PSMB3: variants seen among roughly 807,000 people sequenced by gnomAD.
PSMB3 encodes proteasome 20S subunit beta 3.
In PSMB3, 5 loss-of-function variants were observed where a neutral mutation model predicts 23.3. The observed-to-expected ratio is 0.21, with a 90% CI of 0.11 to 0.45. PSMB3 has a LOEUF of 0.45. PSMB3 is among the 20% of genes least tolerant of loss of function. PSMB3 has a pLI of 0.99. For missense variants in PSMB3, 192 were observed against 277.9 expected (o/e 0.69, Z 2.20); for synonymous variants, 85 against 99.8 (o/e 0.85, Z 0.88).
At chr17:38,758,147 G>T (rs1227216938) in intron 3 of PSMB3, among the ~76,000 whole-genome samples, 1 of 152,016 alleles carries the variant, frequency 6.6e-6, no homozygotes, top group Non-Finnish European at 1.5e-5. Flanking sequence ...ATTTTAAAAA[G>T]GGTCTGGACA....
chr17:38,755,857 A>C, intron 2 of PSMB3, 26 bp from the exon 3 acceptor site: 1 of 1,314,922 alleles, frequency 7.6e-7, no homozygotes, highest in Non-Finnish European at 1.0e-6. Flanking sequence ...ATAATGACTT[A>C]CTAACTCACT....
At chr17:38,755,664 ATAT>A (rs1908146538) in intron 2 of PSMB3, among the ~76,000 whole-genome samples, 1 of 78,228 alleles carries the variant, frequency 1.3e-5, no homozygotes, top group Non-Finnish European at 2.4e-5. Flanking sequence ...AAAAAAATAT[ATAT>A]ATATATATAT....
chr17:38,763,758 T>TA (rs1257904851), intron 5 of PSMB3, among the ~76,000 whole-genome samples: 1 of 152,102 alleles, frequency 6.6e-6, no homozygotes, highest in Non-Finnish European at 1.5e-5. Context: ...GCCTCAGGCC[T>TA]CCCAAAGTGC....
intron 5 of PSMB3, among the ~76,000 whole-genome samples, chr17:38,763,057 T>C (rs1166225856): frequency 6.6e-6 from 1 of 152,180 alleles, no homozygotes; most frequent in Non-Finnish European, 1.5e-5. Context: ...CCTGCTTAAT[T>C]ACCGTGAAAT....
intron 2 of PSMB3, 76 bp downstream of exon 2, chr17:38,753,410 G>A: frequency 2.7e-6 from 4 of 1,475,850 alleles, no homozygotes; most frequent in Non-Finnish European, 3.7e-6. Flanking sequence ...ACCGGCCAAG[G>A]TGTCAGTCAT....
At chr17:38,755,682 ATGTGTGTGTGTGTG>A (rs67600372) in intron 2 of PSMB3, among the ~76,000 whole-genome samples, 187 bp from the exon 3 acceptor site, 12 of 90,280 alleles carry the variant, frequency 1.3e-4, no homozygotes, top group African/African-American at 8.4e-5. Context: ...ATATATATAT[ATGTGTGTGTGTGTG>A]TGTGTGTGTG....
intron 3 of PSMB3, among the ~76,000 whole-genome samples, chr17:38,759,447 T>TC (rs771072745): frequency 2.0e-5 from 3 of 152,144 alleles, no homozygotes; most frequent in Non-Finnish European, 4.4e-5. Flanking sequence ...TTTTGCACCA[T>TC]CATAAAGTTG....
At position 38,760,303 on chromosome 17, in the gene PSMB3, T is replaced by C. The variant is rs1165574868; in HGVS notation, c.297-128T>C. ...GGGAGCTGGCCTCAGGGAAAGGTGATCTTCCTAAACAGGTCCTCCATTTCC... is the reference window on the plus strand; with the variant it reads ...GGGAGCTGGCCTCAGGGAAAGGTGACCTTCCTAAACAGGTCCTCCATTTCC... On this transcript the variant is annotated intron_variant, in intron 3 of 5. Transcript: ENST00000619426. 4.2e-6 allele frequency: 4 copies of C among 961,006 alleles called. No homozygotes were observed. In the Admixed American group the frequency reaches 8.4e-5, roughly 20 times the overall value. 59.5% of individuals were successfully genotyped at this position (961,006 alleles called of 1,614,324 possible).
chr17:38,763,936 G>A (rs190805263), intron 5 of PSMB3, among the ~76,000 whole-genome samples, 183 bp from the exon 6 acceptor site: 72 of 152,252 alleles, frequency 4.7e-4, no homozygotes, highest in East Asian at 3.9e-3. Flanking sequence ...CACCACAGGC[G>A]GAGGAGATGA....
intron 3 of PSMB3, among the ~76,000 whole-genome samples, chr17:38,757,669 G>C (rs1381082853): frequency 1.3e-5 from 2 of 152,104 alleles, no homozygotes; most frequent in African/African-American, 2.4e-5. Flanking sequence ...GCAAAAATTA[G>C]CTGGGCGTGG....
intron 4 of PSMB3, 107 bp from the exon 5 acceptor site, chr17:38,762,304 C>A: frequency 1.1e-6 from 1 of 935,470 alleles, no homozygotes; most frequent in Non-Finnish European, 1.7e-6. Context: ...TCAGGCATGT[C>A]TTGGGGCCAG....
chr17:38,763,612 C>T (rs1449538143), intron 5 of PSMB3, among the ~76,000 whole-genome samples: 1 of 149,122 alleles, frequency 6.7e-6, no homozygotes, highest in Non-Finnish European at 1.5e-5. Context: ...AAGTGATTCT[C>T]CTGCCTCAGC....
chr17:38,763,626 C>T (rs1258832337), intron 5 of PSMB3, among the ~76,000 whole-genome samples: 1 of 150,908 alleles, frequency 6.6e-6, no homozygotes, highest in Non-Finnish European at 1.5e-5. Context: ...CCTCAGCCTC[C>T]TGAGTAGCTG....
intron 4 of PSMB3, 34 bp from the exon 5 acceptor site, chr17:38,762,377 G>C (rs766547661): frequency 6.3e-7 from 1 of 1,577,434 alleles, no homozygotes; most frequent in South Asian, 1.1e-5. Context: ...AGAGCCAGAG[G>C]CTGTGGTTTG....
intron 3 of PSMB3, among the ~76,000 whole-genome samples, chr17:38,757,300 C>T (rs1908244385): frequency 6.6e-6 from 1 of 150,588 alleles, no homozygotes; most frequent in African/African-American, 2.4e-5. Flanking sequence ...AGGTGGATCA[C>T]TTGAGGTCAG....
At chr17:38,759,199 G>A (rs1908333684) in intron 3 of PSMB3, among the ~76,000 whole-genome samples, 1 of 152,142 alleles carries the variant, frequency 6.6e-6, no homozygotes, top group Non-Finnish European at 1.5e-5. Context: ...TTAAAATATT[G>A]TAAGTTGAAA....
At chr17:38,757,561 A>G (rs139239503) in intron 3 of PSMB3, among the ~76,000 whole-genome samples, 2 of 151,622 alleles carry the variant, frequency 1.3e-5, no homozygotes, top group Non-Finnish European at 2.9e-5. Context: ...TCATGCCTGT[A>G]ATCCCAGCAC....
rs1363801327 is a variant in PSMB3 at position 38,753,215 on chromosome 17, T to G, written c.69T>G (p.Ala23=). Residue 23 remains alanine (A), a synonymous_variant, in exon 2 of 6, where the codon GCT becomes GCG. Transcript: ENST00000619426. ...AMKGKNCVAI[A]ADRRFGIQAQ... is the part of the protein sequence containing the mutation. ...AGGGGAAGAACTGTGTGGCCATCGC[T>G]GCAGACAGGCGCTTCGGGATCCAGG... 2 of 1,614,226 alleles carry G rather than the reference T, an allele frequency of 1.2e-6. No homozygotes were observed. Among genetic ancestry groups the G allele is most frequent in the Non-Finnish European group, 1.7e-6 (2 of 1,180,044 alleles).
chr17:38,753,406 C>T (rs1211279653), intron 2 of PSMB3, 72 bp downstream of exon 2: 1 of 1,497,630 alleles, frequency 6.7e-7, no homozygotes, highest in East Asian at 2.3e-5. Flanking sequence ...CTTGACCGGC[C>T]AAGGTGTCAG....
Sources: gnomAD v4.1 joint callset for allele counts (sites outside exome capture counted in the v4.1 genomes callset) on GRCh38, gnomAD v4.1.1 for gene constraint, MANE v1.5 for transcripts, NCBI Gene and HGNC (gene_info 2026-07-23, HGNC 2026-07-21) for gene names.